Variants in LRMDA observed in about 807,000 individuals in gnomAD.
LRMDA encodes the protein leucine rich melanocyte differentiation associated.
In LRMDA, 18 loss-of-function variants were observed where a neutral mutation model predicts 29.8. That is an observed-to-expected ratio of 0.60 (90% CI 0.42 to 0.90). The LOEUF (loss-of-function observed/expected upper bound fraction) is 0.90, where lower values mean the gene tolerates loss of function less well. Ranked by LOEUF, LRMDA falls within the 40% of genes least tolerant of loss-of-function variation. The pLI, the probability that LRMDA is intolerant of heterozygous loss-of-function variation, is 0.00. For synonymous variants in LRMDA, 125 were observed against 109.4 expected (o/e 1.14, Z -0.89); for missense variants, 273 against 273.9 (o/e 1.00, Z 0.02).
intron 2 of LRMDA, among the ~76,000 whole-genome samples, chr10:75,502,819 T>G (rs991919179): frequency 1.3e-5 from 2 of 152,214 alleles, no homozygotes; most frequent in African/African-American, 4.8e-5. Context: ...CTCCATGTCA[T>G]GGAAGTTTTG....
intron 2 of LRMDA, among the ~76,000 whole-genome samples, chr10:75,904,108 T>C (rs1019099516): frequency 1.8e-4 from 27 of 152,210 alleles, no homozygotes; most frequent in Admixed American, 1.4e-3. Context: ...CTGTGTCTCT[T>C]TGGCTGGGAG....
intron 5 of LRMDA, among the ~76,000 whole-genome samples, chr10:76,155,213 C>G (rs1850516199): frequency 6.6e-6 from 1 of 152,072 alleles, no homozygotes; most frequent in Non-Finnish European, 1.5e-5. Context: ...CAGATCCAAG[C>G]CTTTAATGAT....
intron 5 of LRMDA, chr10:76,318,342 C>T (rs1327918051): frequency 1.3e-5 from 2 of 152,184 alleles, no homozygotes; most frequent in Non-Finnish European, 2.9e-5. Context: ...CCAGATGCCA[C>T]TGTGGGCACT....
intron 5 of LRMDA, among the ~76,000 whole-genome samples, chr10:76,111,455 A>C (rs967528568): frequency 1.8e-4 from 28 of 152,160 alleles, no homozygotes; most frequent in African/African-American, 6.8e-4. Flanking sequence ...AAGCCACCAC[A>C]CCTAAATGTT....
chr10:76,174,779 A>G (rs1850901978), intron 5 of LRMDA, among the ~76,000 whole-genome samples: 1 of 152,206 alleles, frequency 6.6e-6, no homozygotes, highest in Non-Finnish European at 1.5e-5. Flanking sequence ...TACAAGTTTC[A>G]CCATTTGTTG....
intron 6 of LRMDA, among the ~76,000 whole-genome samples, chr10:76,406,218 G>A (rs983223059): frequency 1.3e-5 from 2 of 152,184 alleles, no homozygotes; most frequent in Non-Finnish European, 2.9e-5. Flanking sequence ...GTACTAACAG[G>A]CGGAAAGGGA....
At chr10:76,209,184 C>T (rs938547407) in intron 5 of LRMDA, among the ~76,000 whole-genome samples, 1 of 151,988 alleles carries the variant, frequency 6.6e-6, no homozygotes, top group African/African-American at 2.4e-5. Flanking sequence ...TAAAAAAAAA[C>T]TTGCCTTTCA....
intron 2 of LRMDA, among the ~76,000 whole-genome samples, chr10:75,559,369 T>C (rs1263548363): frequency 6.6e-6 from 1 of 150,600 alleles, no homozygotes; most frequent in Non-Finnish European, 1.5e-5. Context: ...GCCCACTTTT[T>C]GATGGGGTTG....
chr10:75,617,789 G>A (rs1379938333), intron 2 of LRMDA, among the ~76,000 whole-genome samples: 1 of 152,132 alleles, frequency 6.6e-6, no homozygotes, highest in Non-Finnish European at 1.5e-5. Flanking sequence ...CACCATTTCT[G>A]TTTCCTCCAT....
intron 5 of LRMDA, among the ~76,000 whole-genome samples, chr10:76,096,873 C>T (rs1435252873): frequency 2.0e-5 from 3 of 152,008 alleles, no homozygotes; most frequent in Non-Finnish European, 4.4e-5. Flanking sequence ...ATGGTATGAG[C>T]TTCGAAATTT....
At chr10:75,689,002 G>T (rs906802441) in intron 2 of LRMDA, among the ~76,000 whole-genome samples, 1 of 151,810 alleles carries the variant, frequency 6.6e-6, no homozygotes. Context: ...GTTTTTTACA[G>T]TAACATAACT....
chr10:75,629,402 G>T (rs991699744), intron 2 of LRMDA, among the ~76,000 whole-genome samples: 1 of 151,994 alleles, frequency 6.6e-6, no homozygotes, highest in Non-Finnish European at 1.5e-5. Context: ...CCTCAACTTT[G>T]TAATTTTAAA....
intron 5 of LRMDA, among the ~76,000 whole-genome samples, chr10:76,094,124 C>A (rs1052188343): frequency 2.6e-5 from 4 of 152,094 alleles, no homozygotes. Flanking sequence ...CCCAGGAACC[C>A]CTGCTAACAT....
chr10:75,936,560 C>A (rs1182244550), intron 2 of LRMDA, among the ~76,000 whole-genome samples: 2 of 152,112 alleles, frequency 1.3e-5, no homozygotes, highest in Non-Finnish European at 2.9e-5. Flanking sequence ...GCTGCTGTAA[C>A]AAATTACCAC....
chr10:75,730,507 G>A (rs545037482), intron 2 of LRMDA, among the ~76,000 whole-genome samples: 13 of 152,274 alleles, frequency 8.5e-5, no homozygotes, highest in South Asian at 4.1e-4. Flanking sequence ...TGATGAGCGC[G>A]TCATATGAGA....
chr10:75,626,159 G>A (rs1484579234), intron 2 of LRMDA, among the ~76,000 whole-genome samples: 1 of 152,030 alleles, frequency 6.6e-6, no homozygotes, highest in Admixed American at 6.5e-5. Context: ...ACCACACCCG[G>A]CCAAGAGGAT....
intron 6 of LRMDA, among the ~76,000 whole-genome samples, chr10:76,414,896 T>C (rs1346579283): frequency 6.6e-6 from 1 of 152,210 alleles, no homozygotes; most frequent in Non-Finnish European, 1.5e-5. Context: ...ATTGGAGATG[T>C]CAGGATAGTC....
Position 76,558,723 on chromosome 10 carries a change from A to G in LRMDA, c.*1435A>G, listed in dbSNP as rs1048529836. On this transcript the variant is annotated 3_prime_UTR_variant, in exon 7 of 7. Coordinates refer to ENST00000611255, the MANE Select transcript of LRMDA (RefSeq NM_001305581.2). ...AAAACTATGGGGACTCAGAATCCCTAAGCTGCCCAAGGAGAACCTACTTTC... is the reference window on the plus strand; with the variant it reads ...AAAACTATGGGGACTCAGAATCCCTGAGCTGCCCAAGGAGAACCTACTTTC... 1 of 152,168 alleles carries G rather than the reference A, an allele frequency of 6.6e-6. No individual in the cohort carries two copies. Among genetic ancestry groups the G allele is most frequent in the African/African-American group, 2.4e-5 (1 of 41,450 alleles). The allele number at this position is 152,168 out of a possible 1,614,324, so 9.4% of individuals were successfully genotyped here.
chr10:75,924,690 C>A (rs937198743), intron 2 of LRMDA, among the ~76,000 whole-genome samples: 1 of 151,340 alleles, frequency 6.6e-6, no homozygotes, highest in African/African-American at 2.4e-5. Flanking sequence ...TTTGCTCAGC[C>A]GTGCTGAAAG....
Sources: gnomAD v4.1 joint callset for allele counts (sites outside exome capture counted in the v4.1 genomes callset) on GRCh38, gnomAD v4.1.1 for gene constraint, MANE v1.5 for transcripts, NCBI Gene and HGNC (gene_info 2026-07-23, HGNC 2026-07-21) for gene names.